RBMS3: variants seen among roughly 807,000 people sequenced by gnomAD.
The protein encoded by RBMS3 is RNA-binding motif, single-stranded-interacting protein 3.
Under a neutral mutation model 66.8 loss-of-function variants are expected in RBMS3, and 27 were observed. That is an observed-to-expected ratio of 0.40 (90% CI 0.30 to 0.56). RBMS3 has a LOEUF of 0.56. RBMS3 is among the 20% of genes least tolerant of loss of function. RBMS3 has a pLI of 0.40. For missense variants in RBMS3, 513 were observed against 549.5 expected, an observed-to-expected ratio of 0.93 and a Z score of 0.66; for synonymous variants, 188 against 183.0, an observed-to-expected ratio of 1.03 and a Z score of -0.22.
At chr3:29,334,511 T>A (rs1270550113) in intron 1 of RBMS3, among the ~76,000 whole-genome samples, 1 of 152,166 alleles carries the variant, frequency 6.6e-6, no homozygotes, top group African/African-American at 2.4e-5. Context: ...TAGTTTAATT[T>A]TTTTTTGCAG....
chr3:29,623,519 G>C (rs1484933029), intron 4 of RBMS3, among the ~76,000 whole-genome samples: 1 of 149,484 alleles, frequency 6.7e-6, no homozygotes, highest in Non-Finnish European at 1.5e-5. Flanking sequence ...GTGAACCAGG[G>C]AGATGGAGCT....
chr3:29,678,106 C>G (rs1452953769), intron 4 of RBMS3, among the ~76,000 whole-genome samples: 1 of 152,132 alleles, frequency 6.6e-6, no homozygotes, highest in Non-Finnish European at 1.5e-5. Flanking sequence ...GGAACCAGTC[C>G]TTCCATCATG....
intron 1 of RBMS3, among the ~76,000 whole-genome samples, chr3:29,294,981 GAAAAC>G (rs1281968058): frequency 6.6e-6 from 1 of 151,482 alleles, no homozygotes; most frequent in Non-Finnish European, 1.5e-5. Context: ...ATTTTAGAAA[GAAAAC>G]AAAACACAAT....
chr3:29,611,825 T>G (rs2149134625), intron 4 of RBMS3, among the ~76,000 whole-genome samples: 1 of 152,182 alleles, frequency 6.6e-6, no homozygotes, highest in South Asian at 2.1e-4. Flanking sequence ...ACTTCATTCC[T>G]CATCCATCTC....
chr3:29,970,398 C>G (rs1360572882), intron 12 of RBMS3, among the ~76,000 whole-genome samples: 1 of 152,056 alleles, frequency 6.6e-6, no homozygotes, highest in Non-Finnish European at 1.5e-5. Context: ...TTGCTACCAC[C>G]CAATAATGAG....
chr3:29,339,981 G>A (rs866985350), intron 1 of RBMS3, among the ~76,000 whole-genome samples: 4 of 152,004 alleles, frequency 2.6e-5, no homozygotes, highest in Admixed American at 2.0e-4. Context: ...AAGGGAAAAC[G>A]TTGTGCAAAA....
At chr3:29,996,068 A>G (rs913050072) in intron 14 of RBMS3, among the ~76,000 whole-genome samples, 2 of 151,754 alleles carry the variant, frequency 1.3e-5, no homozygotes, top group East Asian at 1.9e-4. Flanking sequence ...AAAGGATGGA[A>G]GAAGATCTAC....
At chr3:29,711,899 A>G (rs903865503) in intron 4 of RBMS3, among the ~76,000 whole-genome samples, 4 of 152,232 alleles carry the variant, frequency 2.6e-5, no homozygotes, top group Non-Finnish European at 5.9e-5. Flanking sequence ...TGCTAGCATA[A>G]CCATTAAAGG....
chr3:29,389,387 T>G (rs1274495025), intron 1 of RBMS3, among the ~76,000 whole-genome samples: 4 of 152,170 alleles, frequency 2.6e-5, no homozygotes, highest in Non-Finnish European at 5.9e-5. Context: ...TGGCTTCTCT[T>G]GGTTTGCTGC....
At chr3:29,404,631 T>G (rs2039939513) in intron 1 of RBMS3, among the ~76,000 whole-genome samples, 1 of 152,138 alleles carries the variant, frequency 6.6e-6, no homozygotes, top group Non-Finnish European at 1.5e-5. Flanking sequence ...CCTGGGTAGC[T>G]CTGGACTCTC....
At chr3:29,652,839 G>T (rs1226729302) in intron 4 of RBMS3, among the ~76,000 whole-genome samples, 2 of 152,096 alleles carry the variant, frequency 1.3e-5, no homozygotes, top group Non-Finnish European at 2.9e-5. Flanking sequence ...AAGTATTGAT[G>T]TTCTGCTCCC....
At chr3:29,359,252 A>T (rs1355635232) in intron 1 of RBMS3, among the ~76,000 whole-genome samples, 1 of 152,218 alleles carries the variant, frequency 6.6e-6, no homozygotes, top group East Asian at 1.9e-4. Flanking sequence ...AGGTTTTAGC[A>T]TGAAGGGCTG....
intron 2 of RBMS3, among the ~76,000 whole-genome samples, chr3:29,484,613 A>AT (rs2043255025): frequency 1.3e-5 from 2 of 152,194 alleles, no homozygotes; most frequent in Non-Finnish European, 2.9e-5. Context: ...ATTATGCATG[A>AT]CTTTGATGAC....
intron 3 of RBMS3, among the ~76,000 whole-genome samples, chr3:29,585,496 CAA>C (rs1429658460): frequency 3.3e-5 from 5 of 152,044 alleles, no homozygotes; most frequent in African/African-American, 1.2e-4. Flanking sequence ...TGATTCTTGT[CAA>C]GTTGGATCAC....
intron 14 of RBMS3, among the ~76,000 whole-genome samples, chr3:29,998,496 C>T (rs538551824): frequency 1.2e-3 from 180 of 152,244 alleles, no homozygotes; most frequent in South Asian, 3.9e-3. Context: ...GGAGGCATCA[C>T]GCTACCTGAC....
intron 4 of RBMS3, among the ~76,000 whole-genome samples, chr3:29,693,373 A>G (rs1385589164): frequency 6.6e-6 from 1 of 152,186 alleles, no homozygotes; most frequent in Admixed American, 6.5e-5. Context: ...GTCATTATTG[A>G]ATGCATATAC....
At chr3:29,512,048 G>A (rs62236917) in intron 3 of RBMS3, among the ~76,000 whole-genome samples, 12,604 of 151,898 alleles carry the variant, frequency 0.083, 923 homozygotes, top group East Asian at 0.39. Context: ...GAAACACTAG[G>A]TGTTTCTGAC....
At chr3:29,689,100 A>AATAGATATAGAT (rs11271452) in intron 4 of RBMS3, among the ~76,000 whole-genome samples, 7 of 151,696 alleles carry the variant, frequency 4.6e-5, no homozygotes, top group East Asian at 3.9e-4. Context: ...CCTATATAGA[A>AATAGATATAGAT]ATAGATATAG....
intron 3 of RBMS3, among the ~76,000 whole-genome samples, chr3:29,581,356 A>G (rs1331018593): frequency 6.6e-6 from 1 of 152,194 alleles, no homozygotes; most frequent in African/African-American, 2.4e-5. Flanking sequence ...AGTCAGCAAT[A>G]ACTGAATAGT....
Sources: gnomAD v4.1 joint callset for allele counts (sites outside exome capture counted in the v4.1 genomes callset) on GRCh38, gnomAD v4.1.1 for gene constraint, MANE v1.5 for transcripts, NCBI Gene and HGNC (gene_info 2026-07-23, HGNC 2026-07-21) for gene names.